LTBP2: variants seen among roughly 807,000 people sequenced by gnomAD.
LTBP2 encodes latent transforming growth factor beta binding protein 2.
In LTBP2, 103 loss-of-function variants were observed where a neutral mutation model predicts 210.6. That is an observed-to-expected ratio of 0.49 (90% CI 0.42 to 0.58). The LOEUF (loss-of-function observed/expected upper bound fraction) is 0.58. Ranked by LOEUF, LTBP2 falls within the 20% of genes least tolerant of loss-of-function variation. The pLI is 0.00. For missense variants in LTBP2, 2,313 were observed against 2,494.5 expected, an observed-to-expected ratio of 0.93 and a Z score of 1.55; for synonymous variants, 1,007 against 1,015.0, an observed-to-expected ratio of 0.99 and a Z score of 0.15.
intron 18 of LTBP2, among the ~76,000 whole-genome samples, chr14:74,513,959 G>T (rs566447477): frequency 6.6e-6 from 1 of 152,366 alleles, no homozygotes; most frequent in East Asian, 1.9e-4. Flanking sequence ...TGAATGGGAG[G>T]GGGAGGGCAG....
At chr14:74,510,252 C>T (rs1595243722) in intron 19 of LTBP2, 39 bp from the exon 20 acceptor site, 2 of 1,609,828 alleles carry the variant, frequency 1.2e-6, no homozygotes, top group Non-Finnish European at 1.7e-6. Context: ...CTGGCCTCCT[C>T]CCCATCCTGC....
At position 74,500,797 on chromosome 14, in the gene LTBP2, T is replaced by C; in HGVS notation, c.*87A>G. ...GGAAACCTCTGGCCTGATGTCACGG[T>C]GTCTTCCCAGCTAGGAAATCATCCT... On this transcript the variant is annotated 3_prime_UTR_variant, in exon 36 of 36. Transcript: ENST00000261978. The C allele has an allele frequency of 6.4e-7, 1 of 1,560,312 alleles. No homozygotes were observed. Among genetic ancestry groups the C allele is most frequent in the South Asian group, 1.1e-5 (1 of 89,814 alleles).
chr14:74,501,253 C>G (rs4427731), intron 35 of LTBP2, among the ~76,000 whole-genome samples, 188 bp downstream of exon 35: 1 of 152,238 alleles, frequency 6.6e-6, no homozygotes, highest in African/African-American at 2.4e-5. Flanking sequence ...TGTCTTTTGT[C>G]TGGGAACCTG....
chr14:74,528,441 GGGAAA>G (rs1174889433), intron 12 of LTBP2, 37 bp downstream of exon 12: 9 of 1,606,698 alleles, frequency 5.6e-6, no homozygotes, highest in Non-Finnish European at 6.8e-6. Flanking sequence ...GGAAACTTAG[GGGAAA>G]GGAAAATCCC....
intron 8 of LTBP2, among the ~76,000 whole-genome samples, chr14:74,548,004 G>C (rs374828933): frequency 8.7e-4 from 133 of 152,066 alleles, no homozygotes; most frequent in African/African-American, 2.8e-3. Flanking sequence ...ATTTCCTTGG[G>C]TTGTTAAACT....
At chr14:74,534,749 G>A (rs1006184783) in intron 9 of LTBP2, among the ~76,000 whole-genome samples, 7 of 152,200 alleles carry the variant, frequency 4.6e-5, no homozygotes, top group African/African-American at 9.7e-5. Context: ...AGGATGGAGA[G>A]AGAGGAGAGA....
intron 2 of LTBP2, among the ~76,000 whole-genome samples, chr14:74,591,509 C>G (rs538650485): frequency 2.7e-4 from 41 of 152,376 alleles, no homozygotes; most frequent in Middle Eastern, 6.8e-3. Context: ...TCTGCTGAGG[C>G]AGAGCCTCCA....
Position 74,537,189 on chromosome 14 carries a change from T to C in LTBP2, c.1790-1189A>G, listed in dbSNP as rs2087432543. Among the ~76,000 whole-genome samples, 4 of 141,728 alleles carry C rather than the reference T, an allele frequency of 2.8e-5. No individual in the cohort carries two copies. The South Asian group carries it at 6.9e-4, about 24-fold the overall frequency. 93.0% of individuals were successfully genotyped at this position (141,728 alleles called of 152,430 possible). A position where few individuals can be genotyped will look rare whatever the true frequency, so the allele number is the denominator to read the frequency against. ...AAAAAAAAAACCAAAGAGTTGACAT[T>C]AAATAAAAACAGGAAAAAAATCTCC... On this transcript the variant is annotated intron_variant, in intron 8 of 35. Coordinates refer to ENST00000261978, the MANE Select transcript of LTBP2 (RefSeq NM_000428.3).
At chr14:74,570,947 C>T (rs952038437) in intron 3 of LTBP2, among the ~76,000 whole-genome samples, 8 of 152,002 alleles carry the variant, frequency 5.3e-5, no homozygotes, top group African/African-American at 1.9e-4. Context: ...AGATAACCCC[C>T]GAGGCAGGGG....
rs142738445 is a variant in LTBP2 at position 74,510,722 on chromosome 14, G to A, written c.3029-509C>T. On this transcript the variant is annotated intron_variant, in intron 19 of 35. Coordinates refer to ENST00000261978, the MANE Select transcript of LTBP2 (RefSeq NM_000428.3). ...TCTGCCCTCTCCAGAGCCTCAAAGCGTCTATTCAACACTCAGTCCCTCCCA... is the reference window on the plus strand; with the variant it reads ...TCTGCCCTCTCCAGAGCCTCAAAGCATCTATTCAACACTCAGTCCCTCCCA... Among the ~76,000 whole-genome samples the A allele has an allele frequency of 8.2e-3, 1,244 of 152,338 alleles. 23 individuals carry two copies. The highest frequency in any genetic ancestry group is 0.028 in the African/African-American group (1,170 of 41,578).
chr14:74,515,252 ATTTTTTTT>A (rs575476350), intron 18 of LTBP2, among the ~76,000 whole-genome samples: 2 of 125,474 alleles, frequency 1.6e-5, no homozygotes, highest in Non-Finnish European at 3.3e-5. Flanking sequence ...TATAAATCTG[ATTTTTTTT>A]TTTTTTTTTT....
At position 74,529,112 on chromosome 14, in the gene LTBP2, T is replaced by C; in HGVS notation, c.1998A>G (p.Ala666=). 2 of 1,551,846 alleles carry C rather than the reference T, an allele frequency of 1.3e-6. No individual in the cohort carries two copies. Among genetic ancestry groups the C allele is most frequent in the South Asian group, 2.4e-5 (2 of 84,124 alleles). ...PSRSRCVSDK[A]ISMLQGLCYR... The stretch of plus-strand genomic sequence containing the variant: ...AGCACAGTCCCTGCAGCATGGAGAT[T>C]GCCTTGTCCGCTGCAACAGACACAG... Residue 666 remains alanine (A), a synonymous_variant, in exon 11 of 36, where the codon GCA becomes GCG. Coordinates refer to ENST00000261978, the MANE Select transcript of LTBP2 (RefSeq NM_000428.3).
chr14:74,551,283 G>A lies in LTBP2; in HGVS notation c.1467C>T (p.His489=), dbSNP rs2087652667. ...CCCCGCCCCGCACCTGGGCCACCTG[G>A]TGGATCTGCACTGAGGCCTCGGGTG... ...HHPPEASVQI[H]QVAQVRGGVE... is the part of the protein sequence containing the mutation. The change falls in exon 7 of 36, where the codon CAC becomes CAT. Residue 489 remains histidine, a synonymous_variant. Transcript: ENST00000261978. 1.9e-6 allele frequency: 3 copies of A among 1,608,764 alleles called. No individual in the cohort carries two copies. Among genetic ancestry groups the A allele is most frequent in the African/African-American group, 2.7e-5 (2 of 74,998 alleles).
chr14:74,516,718 C>T (rs1230593668), intron 18 of LTBP2, 104 bp downstream of exon 18: 2 of 1,464,278 alleles, frequency 1.4e-6, no homozygotes, highest in East Asian at 4.9e-5. Context: ...ATCAAGGGGC[C>T]AGGGCAGAGA....
In LTBP2 at chr14:74,505,090, G is replaced by A. The variant is rs774548138; in HGVS notation, c.4262C>T (p.Ala1421Val). Residue 1421 changes from alanine (A) to valine (V), a missense_variant, in exon 29 of 36, where the codon GCG becomes GTG. Physicochemically the swap from Ala to Val is moderately conservative, Grantham distance 64. This residue lies in a region of LTBP2 where 1,867 missense variants were observed against 1,976.9 expected (regional missense o/e 0.94). Coordinates refer to ENST00000261978, the MANE Select transcript of LTBP2 (RefSeq NM_000428.3). ...CCGGCCCAGGACACTGGAGCAGGGC[G>A]CATGGCCCTTCTGCCCGGAGTAGCA... ...MDCYSGQKGH[A>V]PCSSVLGRNT... 6 of 1,613,936 alleles carry A rather than the reference G, an allele frequency of 3.7e-6. No homozygotes were observed. Among genetic ancestry groups the A allele is most frequent in the African/African-American group, 2.7e-5 (2 of 74,936 alleles).
At chr14:74,566,931 G>A (rs1237556236) in intron 3 of LTBP2, among the ~76,000 whole-genome samples, 1 of 152,148 alleles carries the variant, frequency 6.6e-6, no homozygotes, top group Admixed American at 6.5e-5. Context: ...CCACACCTAG[G>A]TCTGAAAGGA....
At chr14:74,528,343 T>A in intron 12 of LTBP2, 140 bp downstream of exon 12, 1 of 954,458 alleles carries the variant, frequency 1.0e-6, no homozygotes, top group African/African-American at 1.6e-5. Context: ...CAGGGTTGGG[T>A]GCTGCTGCTC....
chr14:74,586,209 G>A lies in LTBP2; in HGVS notation c.566-91C>T. 2.1e-6 allele frequency: 3 copies of A among 1,409,398 alleles called. No individual in the cohort carries two copies. Among genetic ancestry groups the A allele is most frequent in the Non-Finnish European group, 2.9e-6 (3 of 1,036,156 alleles). The allele number at this position is 1,409,398 out of a possible 1,614,324, so 87.3% of individuals were successfully genotyped here. On this transcript the variant is annotated intron_variant, in intron 2 of 35. Coordinates refer to ENST00000261978, the MANE Select transcript of LTBP2 (RefSeq NM_000428.3). This position sits in a 1 kb window ranked among gnomAD's most constrained non-coding sequence, Gnocchi z 4.6. Reference sequence around the variant, plus strand: ...CTTCCTGTCAGAAGGGCCCTCCTGAGTGCTGCAACCCTGTCGCTCAAGCAG... The same window carrying A: ...CTTCCTGTCAGAAGGGCCCTCCTGAATGCTGCAACCCTGTCGCTCAAGCAG...
chr14:74,565,283 A>T (rs2087887945), intron 3 of LTBP2, among the ~76,000 whole-genome samples: 1 of 152,180 alleles, frequency 6.6e-6, no homozygotes, highest in Admixed American at 6.5e-5. Context: ...GGGAAGCCAC[A>T]TGTTAGCCTC....
Sources: gnomAD v4.1 joint callset for allele counts (sites outside exome capture counted in the v4.1 genomes callset) on GRCh38, gnomAD v4.1.1 for gene constraint, gnomAD v4.1.1 regional missense constraint, Gnocchi (gnomAD v3.1) non-coding constraint, MANE v1.5 for transcripts, NCBI Gene and HGNC (gene_info 2026-07-23, HGNC 2026-07-21) for gene names.